SPAG9: variants seen among roughly 807,000 people sequenced by gnomAD.
SPAG9 encodes C-Jun-amino-terminal kinase-interacting protein 4.
SPAG9 carries 35 observed loss-of-function variants against 166.5 expected under a neutral mutation model. That is an observed-to-expected ratio of 0.21 (90% confidence interval 0.16 to 0.28). The LOEUF is 0.28. Ranked by LOEUF, SPAG9 falls within the 10% of genes least tolerant of loss-of-function variation. The pLI is 1.00. For missense variants in SPAG9, 1,235 were observed against 1,603.3 expected, an observed-to-expected ratio of 0.77 and a Z score of 3.92; for synonymous variants, 534 against 565.5, an observed-to-expected ratio of 0.94 and a Z score of 0.79.
At chr17:51,111,003 C>T (rs754763740) in intron 1 of SPAG9, among the ~76,000 whole-genome samples, 51 of 152,072 alleles carry the variant, frequency 3.4e-4, no homozygotes, top group Non-Finnish European at 6.9e-4. Context: ...GTAGTCCCAG[C>T]TACACGGGAG....
At chr17:50,988,608 A>C (rs1045396133) in intron 21 of SPAG9, among the ~76,000 whole-genome samples, 20 of 152,212 alleles carry the variant, frequency 1.3e-4, no homozygotes, top group Non-Finnish European at 2.5e-4. Flanking sequence ...GCGGCAGTGC[A>C]GTGGTGATAT....
At chr17:50,985,884 C>T (rs940548367) in intron 22 of SPAG9, 106 bp from the exon 23 acceptor site, 17 of 613,006 alleles carry the variant, frequency 2.8e-5, no homozygotes, top group Admixed American at 1.7e-4. Context: ...GAGTAACATA[C>T]AAATTTTAGG....
intron 1 of SPAG9, among the ~76,000 whole-genome samples, chr17:51,088,849 C>T (rs1226646700): frequency 6.6e-6 from 1 of 151,658 alleles, no homozygotes; most frequent in Non-Finnish European, 1.5e-5. Flanking sequence ...AATCCCAGCA[C>T]TTTGGGAGGC....
intron 2 of SPAG9, among the ~76,000 whole-genome samples, chr17:51,060,505 T>TAAAAAAAAA (rs35700642): frequency 9.9e-6 from 1 of 101,490 alleles, no homozygotes; most frequent in Admixed American, 1.0e-4. Flanking sequence ...TTTGTCTTTT[T>TAAAAAAAAA]AAAAAAAAAA....
At chr17:50,978,590 G>A (rs908533000) in intron 26 of SPAG9, among the ~76,000 whole-genome samples, 6 of 152,128 alleles carry the variant, frequency 3.9e-5, no homozygotes, top group African/African-American at 1.4e-4. Context: ...AGACTGGTAC[G>A]ATCACAATAA....
chr17:51,028,341 C>G (rs575039880), intron 6 of SPAG9, among the ~76,000 whole-genome samples: 9 of 152,196 alleles, frequency 5.9e-5, no homozygotes, highest in African/African-American at 1.9e-4. Flanking sequence ...ATGCTCTAGG[C>G]CTTCATATTC....
intron 24 of SPAG9, among the ~76,000 whole-genome samples, chr17:50,983,104 T>C (rs1199659864): frequency 2.6e-5 from 4 of 152,240 alleles, no homozygotes; most frequent in African/African-American, 2.4e-5. Flanking sequence ...ATGCATACTA[T>C]ATTTTCAGTG....
chr17:51,080,884 C>CA (rs1260519706), intron 1 of SPAG9, among the ~76,000 whole-genome samples: 1 of 53,264 alleles, frequency 1.9e-5, no homozygotes, highest in African/African-American at 1.5e-4. Context: ...AAGACTCTAT[C>CA]TCAAAAAAAA....
intron 9 of SPAG9, among the ~76,000 whole-genome samples, chr17:51,011,915 T>C (rs1456622738): frequency 2.6e-5 from 4 of 152,212 alleles, no homozygotes; most frequent in African/African-American, 7.2e-5. Context: ...CTAAGTACTA[T>C]GGGGCTTCTA....
rs114699231 is a variant in SPAG9, at chr17:51,006,523, C to T, written c.1272-286G>A. Among the ~76,000 whole-genome samples, 1,126 of 152,164 alleles carry T rather than the reference C, an allele frequency of 7.4e-3. 10 individuals carry two copies. Among genetic ancestry groups the T allele is most frequent in the African/African-American group, 0.026 (1,096 of 41,494 alleles). On this transcript the variant is annotated intron_variant, in intron 10 of 29. Transcript: ENST00000262013. ...CAAAAGGTTACTATTGTTAATAATTCCTCAGAATATATTACCCAATCAATA... is the reference window on the plus strand; with the variant it reads ...CAAAAGGTTACTATTGTTAATAATTTCTCAGAATATATTACCCAATCAATA...
intron 25 of SPAG9, among the ~76,000 whole-genome samples, chr17:50,980,512 A>C (rs1235329753): frequency 6.6e-6 from 1 of 151,766 alleles, no homozygotes; most frequent in Non-Finnish European, 1.5e-5. Context: ...GCCTAACAGA[A>C]AGATTTTATC....
chr17:51,022,918 G>A (rs2045997953), intron 6 of SPAG9, among the ~76,000 whole-genome samples: 1 of 144,886 alleles, frequency 6.9e-6, no homozygotes, highest in Non-Finnish European at 1.5e-5. Flanking sequence ...TCCAGTCTGG[G>A]CAACAAGAGT....
intron 2 of SPAG9, among the ~76,000 whole-genome samples, chr17:51,075,928 T>C (rs1460855030): frequency 6.6e-6 from 1 of 151,636 alleles, no homozygotes; most frequent in Non-Finnish European, 1.5e-5. Context: ...GCCCTGTCTC[T>C]ACTAAAAATA....
chr17:51,112,810 CA>C (rs1287274459), intron 1 of SPAG9, among the ~76,000 whole-genome samples: 2 of 147,516 alleles, frequency 1.4e-5, no homozygotes, highest in Admixed American at 6.8e-5. Context: ...CCTGTTTCTA[CA>C]AAAAAAATTA....
intron 1 of SPAG9, among the ~76,000 whole-genome samples, chr17:51,117,229 G>A (rs2049315679): frequency 6.6e-6 from 1 of 152,126 alleles, no homozygotes; most frequent in African/African-American, 2.4e-5. Context: ...ATTCCTGCAA[G>A]CAAGAGATCA....
At chr17:51,036,821 C>T (rs2144346415) in intron 5 of SPAG9, among the ~76,000 whole-genome samples, 1 of 152,294 alleles carries the variant, frequency 6.6e-6, no homozygotes, top group South Asian at 2.1e-4. Context: ...TTACCTTCCT[C>T]TGCCCTGCCT....
At chr17:51,088,216 T>C (rs2048352007) in intron 1 of SPAG9, among the ~76,000 whole-genome samples, 1 of 152,250 alleles carries the variant, frequency 6.6e-6, no homozygotes. Flanking sequence ...AGGAAAAAGC[T>C]GTTGTAATAG....
intron 29 of SPAG9, among the ~76,000 whole-genome samples, chr17:50,967,182 T>C (rs1192632017): frequency 6.6e-6 from 1 of 152,206 alleles, no homozygotes; most frequent in Non-Finnish European, 1.5e-5. Context: ...CAAGCTTGCA[T>C]CAATTGTATC....
intron 29 of SPAG9, among the ~76,000 whole-genome samples, chr17:50,968,567 C>A (rs988466861): frequency 1.3e-5 from 2 of 151,958 alleles, no homozygotes; most frequent in African/African-American, 4.8e-5. Context: ...CCCGTCTCTA[C>A]TAAAAATACA....
Sources: allele counts gnomAD v4.1 joint callset (sites outside exome capture counted in the v4.1 genomes callset), GRCh38; gene constraint gnomAD v4.1.1; transcripts MANE v1.5; gene names NCBI Gene and HGNC (gene_info 2026-07-23, HGNC 2026-07-21).